Variants in SPOCK1 observed in about 807,000 individuals in gnomAD.
SPOCK1 encodes the protein SPARC (osteonectin), cwcv and kazal like domains proteoglycan 1.
Under a neutral mutation model 55.3 loss-of-function variants are expected in SPOCK1, and 23 were observed. The observed-to-expected ratio is 0.42, with a 90% CI of 0.30 to 0.59. The LOEUF is 0.59. SPOCK1 is among the 20% of genes least tolerant of loss of function. SPOCK1 has a pLI of 0.22. For synonymous variants in SPOCK1, 226 were observed against 221.0 expected (o/e 1.02, Z -0.20); for missense variants, 499 against 552.5 (o/e 0.90, Z 0.97).
Position 137,345,700 on chromosome 5 carries a change from G to T in SPOCK1, c.187-78645C>A, listed in dbSNP as rs188130544. 3.1e-3 allele frequency among the ~76,000 whole-genome samples: 475 copies of T among 152,246 alleles called. 3 individuals are homozygous for T. The highest frequency in any genetic ancestry group is 0.011 in the African/African-American group (448 of 41,528). On this transcript the variant is annotated intron_variant, in intron 2 of 10. Transcript: ENST00000394945. The stretch of plus-strand genomic sequence containing the variant: ...ATTCCAGACCAATCACTCTCTCTAG[G>T]GGCTGAGCCCAGGAATGTGTAACAA...
chr5:137,216,806 C>A (rs547690153), intron 3 of SPOCK1, among the ~76,000 whole-genome samples: 49 of 152,276 alleles, frequency 3.2e-4, no homozygotes, highest in Admixed American at 5.9e-4. Flanking sequence ...CTGGAGGAAT[C>A]AGGGGTCGGG....
intron 9 of SPOCK1, 166 bp from the exon 10 acceptor site, chr5:136,979,635 C>G: frequency 2.7e-6 from 2 of 746,856 alleles, no homozygotes; most frequent in Non-Finnish European, 4.3e-6. Context: ...GGGCCCTTAA[C>G]CTTTAGAGGC....
intron 3 of SPOCK1, among the ~76,000 whole-genome samples, chr5:137,165,871 T>C (rs957854420): frequency 8.6e-5 from 13 of 150,460 alleles, no homozygotes; most frequent in African/African-American, 3.2e-4. Flanking sequence ...TGAAAACACA[T>C]AAGAAAAAAA....
chr5:137,044,103 T>C (rs1038374830), intron 6 of SPOCK1, among the ~76,000 whole-genome samples: 3 of 152,190 alleles, frequency 2.0e-5, no homozygotes, highest in African/African-American at 7.2e-5. Flanking sequence ...AGTAGAGCTT[T>C]ATTGGACACC....
At chr5:137,476,116 G>A (rs1271908062) in intron 2 of SPOCK1, among the ~76,000 whole-genome samples, 6 of 151,074 alleles carry the variant, frequency 4.0e-5, no homozygotes, top group African/African-American at 1.5e-4. Flanking sequence ...GGGGTTTTTT[G>A]TACACATTAT....
intron 3 of SPOCK1, among the ~76,000 whole-genome samples, chr5:137,160,563 ATT>A (rs1491556399): frequency 0.017 from 1,184 of 68,970 alleles, 43 homozygotes; most frequent in African/African-American, 0.07. Flanking sequence ...TATATTATAT[ATT>A]ATATATTATA....
chr5:137,238,366 A>G (rs1200420176), intron 3 of SPOCK1, among the ~76,000 whole-genome samples: 1 of 152,230 alleles, frequency 6.6e-6, no homozygotes, highest in Non-Finnish European at 1.5e-5. Flanking sequence ...TTTATGCTAA[A>G]CATGCTCCTT....
intron 2 of SPOCK1, among the ~76,000 whole-genome samples, chr5:137,410,571 G>T (rs1345433939): frequency 1.3e-5 from 2 of 152,214 alleles, no homozygotes; most frequent in Non-Finnish European, 2.9e-5. Flanking sequence ...GTGCCCTTTG[G>T]ATAATTGGCC....
At chr5:137,176,218 A>C (rs1418227538) in intron 3 of SPOCK1, among the ~76,000 whole-genome samples, 1 of 152,216 alleles carries the variant, frequency 6.6e-6, no homozygotes, top group African/African-American at 2.4e-5. Flanking sequence ...TAAGTAAGAA[A>C]GACCGTGTTC....
At chr5:137,243,068 A>T (rs59030938) in intron 3 of SPOCK1, among the ~76,000 whole-genome samples, 7,056 of 152,236 alleles carry the variant, frequency 0.046, 256 homozygotes, top group East Asian at 0.13. Flanking sequence ...TATATTCAAT[A>T]AAAAAATAAA....
intron 3 of SPOCK1, among the ~76,000 whole-genome samples, chr5:137,208,959 G>A (rs1755564575): frequency 6.6e-6 from 1 of 151,972 alleles, no homozygotes; most frequent in Non-Finnish European, 1.5e-5. Context: ...CTGTCTGACT[G>A]TAAAACCCAG....
At chr5:137,385,691 T>C (rs1266777642) in intron 2 of SPOCK1, among the ~76,000 whole-genome samples, 1 of 152,166 alleles carries the variant, frequency 6.6e-6, no homozygotes. Flanking sequence ...CCCACAACTT[T>C]ACCTCCTCCA....
At chr5:137,111,074 G>A (rs1349880124) in intron 5 of SPOCK1, among the ~76,000 whole-genome samples, 1 of 152,048 alleles carries the variant, frequency 6.6e-6, no homozygotes, top group Non-Finnish European at 1.5e-5. Flanking sequence ...TCACAAAATC[G>A]ATAGGGAAAA....
chr5:137,368,489 A>G (rs566550453), intron 2 of SPOCK1, among the ~76,000 whole-genome samples: 45 of 152,314 alleles, frequency 3.0e-4, no homozygotes, highest in African/African-American at 9.4e-4. Context: ...AGGCTGATCC[A>G]GGTAGGGAGG....
chr5:137,470,649 C>A (rs983755025), intron 2 of SPOCK1, among the ~76,000 whole-genome samples: 4 of 152,174 alleles, frequency 2.6e-5, no homozygotes, highest in African/African-American at 9.7e-5. Context: ...ATGGAGACTG[C>A]CTTTGTACCA....
intron 3 of SPOCK1, among the ~76,000 whole-genome samples, chr5:137,206,472 C>T (rs922703355): frequency 5.9e-5 from 9 of 152,282 alleles, no homozygotes; most frequent in South Asian, 4.2e-4. Flanking sequence ...ATTTTAGAAG[C>T]GTACATGACT....
At chr5:137,453,841 T>C (rs1345197934) in intron 2 of SPOCK1, among the ~76,000 whole-genome samples, 2 of 152,010 alleles carry the variant, frequency 1.3e-5, no homozygotes, top group Non-Finnish European at 1.5e-5. Flanking sequence ...GTGCAGAAAA[T>C]TAAAAGTAAA....
At chr5:137,425,633 C>T (rs545509949) in intron 2 of SPOCK1, among the ~76,000 whole-genome samples, 3 of 152,182 alleles carry the variant, frequency 2.0e-5, no homozygotes, top group Non-Finnish European at 4.4e-5. Context: ...GTTTAGCAAA[C>T]TATATATCAA....
chr5:137,480,946 T>C (rs780743217), intron 2 of SPOCK1, among the ~76,000 whole-genome samples: 20 of 152,138 alleles, frequency 1.3e-4, no homozygotes, highest in Non-Finnish European at 2.9e-4. Context: ...AGAACCTTCA[T>C]TGTGGGTTAT....
Sources: allele counts gnomAD v4.1 joint callset (sites outside exome capture counted in the v4.1 genomes callset), GRCh38; gene constraint gnomAD v4.1.1; transcripts MANE v1.5; gene names NCBI Gene and HGNC (gene_info 2026-07-23, HGNC 2026-07-21).